PHACTR1: variants seen among roughly 807,000 people sequenced by gnomAD.
The protein encoded by PHACTR1 is RPEL repeat containing 1.
A neutral mutation model predicts 69.2 loss-of-function variants in PHACTR1; 16 were observed. The ratio of observed to expected loss-of-function variants is 0.23; its 90% confidence interval spans 0.16 to 0.35. The LOEUF (loss-of-function observed/expected upper bound fraction) is 0.35. PHACTR1 is among the 10% of genes least tolerant of loss of function. The pLI, the probability that PHACTR1 is intolerant of heterozygous loss-of-function variation, is 1.00. For synonymous variants in PHACTR1, 312 were observed against 284.5 expected (o/e 1.10, Z -0.97); for missense variants, 510 against 734.7 (o/e 0.69, Z 3.54).
intron 4 of PHACTR1, among the ~76,000 whole-genome samples, chr6:13,013,485 G>C (rs1233368934): frequency 6.6e-6 from 1 of 152,244 alleles, no homozygotes; most frequent in Non-Finnish European, 1.5e-5. Context: ...TGAAGAAAAG[G>C]GGGAGGGGGT....
intron 6 of PHACTR1, among the ~76,000 whole-genome samples, chr6:13,181,198 G>T (rs553119819): frequency 2.6e-5 from 4 of 151,850 alleles, no homozygotes; most frequent in Non-Finnish European, 4.4e-5. Context: ...GACTCTAATC[G>T]GGCGGGGGTG....
At chr6:13,220,178 A>G (rs1352840180) in intron 8 of PHACTR1, among the ~76,000 whole-genome samples, 1 of 152,206 alleles carries the variant, frequency 6.6e-6, no homozygotes, top group African/African-American at 2.4e-5. Flanking sequence ...TGAGCTGTGG[A>G]ACCCGCTGGT....
chr6:12,892,858 T>C (rs539168281), intron 4 of PHACTR1, among the ~76,000 whole-genome samples: 78 of 152,340 alleles, frequency 5.1e-4, no homozygotes, highest in African/African-American at 1.8e-3. Flanking sequence ...GATATCATCA[T>C]TGATAGGGAG....
intron 4 of PHACTR1, among the ~76,000 whole-genome samples, chr6:12,796,671 A>G (rs1773039338): frequency 6.6e-6 from 1 of 152,222 alleles, no homozygotes; most frequent in East Asian, 1.9e-4. Flanking sequence ...TTTGCAGTAA[A>G]TGAAGGTAGC....
In PHACTR1 at chr6:13,182,590, T is replaced by C. The variant is rs766071210; in HGVS notation, c.568T>C (p.Ser190Pro). ...GCAGTCCCTGAGCTCCAGCCAGCTG[T>C]CTCTGCCTGCCCTGTCCGAAATGGA... ...NGQSLSSSQLSLPALSEMEPV... is the reference protein window; with the variant it reads ...NGQSLSSSQLPLPALSEMEPV... Residue 190 changes from serine (S) to proline (P), a missense_variant, in exon 7 of 15, where the codon TCT becomes CCT. By Grantham distance (74) the Ser-to-Pro change is moderately conservative (BLOSUM62 -1). Transcript: ENST00000332995. The C allele has an allele frequency of 3.1e-6, 5 of 1,613,682 alleles. No individual in the cohort carries two copies. The highest frequency in any genetic ancestry group is 4.2e-6 in the Non-Finnish European group (5 of 1,179,696).
At chr6:12,923,786 A>G (rs1425945015) in intron 4 of PHACTR1, among the ~76,000 whole-genome samples, 2 of 152,236 alleles carry the variant, frequency 1.3e-5, no homozygotes, top group African/African-American at 2.4e-5. Context: ...GTAACATTAG[A>G]CACGAATGAG....
At chr6:13,003,323 A>G (rs1035528734) in intron 4 of PHACTR1, among the ~76,000 whole-genome samples, 2 of 152,156 alleles carry the variant, frequency 1.3e-5, no homozygotes, top group African/African-American at 2.4e-5. Flanking sequence ...TTTTTGTCAA[A>G]ATTTAATAAT....
intron 13 of PHACTR1, among the ~76,000 whole-genome samples, chr6:13,284,469 G>A (rs565870699): frequency 3.1e-5 from 4 of 127,830 alleles, no homozygotes; most frequent in South Asian, 2.6e-4. Flanking sequence ...GTGATCCAAG[G>A]TCACACCATT....
At chr6:13,200,651 A>G (rs1583889850) in intron 7 of PHACTR1, among the ~76,000 whole-genome samples, 2 of 152,134 alleles carry the variant, frequency 1.3e-5, no homozygotes, top group Admixed American at 6.5e-5. Context: ...TACAAATGCA[A>G]TGCTGGGCCA....
intron 6 of PHACTR1, among the ~76,000 whole-genome samples, chr6:13,175,660 C>A (rs1203220154): frequency 2.6e-4 from 39 of 152,124 alleles, no homozygotes; most frequent in Admixed American, 2.6e-3. Flanking sequence ...TTCTTTTTAC[C>A]TGAGGCGGAA....
intron 4 of PHACTR1, among the ~76,000 whole-genome samples, chr6:12,908,515 A>T (rs13197912): frequency 0.29 from 43,650 of 152,034 alleles, 6,857 homozygotes; most frequent in Middle Eastern, 0.37. Flanking sequence ...TTTAAAAAAA[A>T]AAAAGGGTGC....
rs139675550 is a variant in PHACTR1, at chr6:12,810,119, C to T, written c.250+60329C>T. 4.2e-3 allele frequency among the ~76,000 whole-genome samples: 637 copies of T among 152,214 alleles called. 4 individuals carry two copies. The highest frequency in any genetic ancestry group is 0.015 in the African/African-American group (611 of 41,516). On this transcript the variant is annotated intron_variant, in intron 4 of 14. Coordinates refer to ENST00000332995, the MANE Select transcript of PHACTR1 (RefSeq NM_030948.6). ...ACATTCAGTTTTGGTGGTTACAGAA[C>T]GAAATTAATCAAATGAAATCTACGT...
chr6:12,797,749 G>A (rs1488806110), intron 4 of PHACTR1, among the ~76,000 whole-genome samples: 3 of 152,030 alleles, frequency 2.0e-5, no homozygotes, highest in South Asian at 2.1e-4. Context: ...GTCTGTCAAC[G>A]CATCAAGCTC....
chr6:13,034,688 A>G (rs1357047046), intron 4 of PHACTR1, among the ~76,000 whole-genome samples: 1 of 152,216 alleles, frequency 6.6e-6, no homozygotes, highest in African/African-American at 2.4e-5. Context: ...TATGGCTTCT[A>G]TATTTGCAAA....
intron 5 of PHACTR1, among the ~76,000 whole-genome samples, chr6:13,125,557 CT>C (rs1362263423): frequency 1.1e-4 from 17 of 152,248 alleles, no homozygotes; most frequent in African/African-American, 4.1e-4. Context: ...AAATATGTCA[CT>C]CTTAAAAATT....
intron 8 of PHACTR1, among the ~76,000 whole-genome samples, chr6:13,226,391 A>G (rs1769706373): frequency 6.6e-6 from 1 of 152,244 alleles, no homozygotes; most frequent in Non-Finnish European, 1.5e-5. Context: ...TTTCTTTTGG[A>G]TAAAATATTC....
intron 4 of PHACTR1, among the ~76,000 whole-genome samples, chr6:12,912,440 T>C (rs1407711905): frequency 6.6e-6 from 1 of 152,222 alleles, no homozygotes; most frequent in African/African-American, 2.4e-5. Flanking sequence ...AGAGACTCCG[T>C]TGTCCAGTTT....
chr6:12,992,828 G>C (rs555322853), intron 4 of PHACTR1, among the ~76,000 whole-genome samples: 78 of 152,274 alleles, frequency 5.1e-4, no homozygotes, highest in African/African-American at 1.8e-3. Flanking sequence ...GTTTATAGAC[G>C]AGCTTGAGAA....
intron 4 of PHACTR1, among the ~76,000 whole-genome samples, chr6:12,910,508 T>C (rs150336685): frequency 6.6e-6 from 1 of 152,320 alleles, no homozygotes; most frequent in African/African-American, 2.4e-5. Context: ...GAAAATGTAT[T>C]GCTAAGAAAA....
Sources: gnomAD v4.1 joint callset for allele counts (sites outside exome capture counted in the v4.1 genomes callset) on GRCh38, gnomAD v4.1.1 for gene constraint, MANE v1.5 for transcripts, NCBI Gene and HGNC (gene_info 2026-07-23, HGNC 2026-07-21) for gene names.